Variants in ANKRD30B observed in about 807,000 individuals in gnomAD.
ANKRD30B encodes the protein ankyrin repeat domain-containing protein 30B.
A neutral mutation model predicts 202.2 loss-of-function variants in ANKRD30B; 144 were observed. The ratio of observed to expected loss-of-function variants is 0.71; its 90% confidence interval spans 0.62 to 0.82. The LOEUF is 0.82. Ranked by LOEUF, ANKRD30B falls within the 40% of genes least tolerant of loss-of-function variation. The probability of loss-of-function intolerance (pLI) is 0.00; values close to 1 mark genes in which losing one functional copy is unlikely to be tolerated. For missense variants in ANKRD30B, 1,487 were observed against 1,669.1 expected (o/e 0.89, Z 1.90); for synonymous variants, 508 against 561.3 (o/e 0.91, Z 1.34).
intron 24 of ANKRD30B, among the ~76,000 whole-genome samples, chr18:14,805,633 C>A (rs1969462584): frequency 1.3e-5 from 2 of 150,708 alleles, no homozygotes; most frequent in South Asian, 4.2e-4. Context: ...TGTACTTTCT[C>A]AATGACAGGA....
At chr18:14,787,125 A>T (rs777747232) in intron 15 of ANKRD30B, 25 bp downstream of exon 15, 1 of 1,581,886 alleles carries the variant, frequency 6.3e-7, no homozygotes, top group Non-Finnish European at 8.6e-7. Flanking sequence ...TGATTTTTTT[A>T]AATATTAGTA....
the ANKRD30B span, among the ~76,000 whole-genome samples, chr18:14,907,714 C>T: frequency 2.2e-4 from 34 of 152,204 alleles, no homozygotes; most frequent in African/African-American, 8.2e-4. Context: ...ACACTGCGTC[C>T]TGTCCACTGG....
At chr18:14,756,610 T>G (rs1914408247) in intron 4 of ANKRD30B, among the ~76,000 whole-genome samples, 1 of 152,194 alleles carries the variant, frequency 6.6e-6, no homozygotes, top group Admixed American at 6.5e-5. Flanking sequence ...AAATGCAATA[T>G]TTGCTGGGCA....
At chr18:14,847,196 C>T (rs1158512834) in intron 39 of ANKRD30B, among the ~76,000 whole-genome samples, 3 of 150,184 alleles carry the variant, frequency 2.0e-5, no homozygotes, top group African/African-American at 7.4e-5. Context: ...TAACTCTTTG[C>T]TTTGCTGTCT....
At chr18:14,834,264 G>A (rs570601032) in intron 34 of ANKRD30B, among the ~76,000 whole-genome samples, 1 of 151,958 alleles carries the variant, frequency 6.6e-6, no homozygotes, top group African/African-American at 2.4e-5. Flanking sequence ...TATTTCTACA[G>A]TACTATAAAC....
At chr18:14,748,813 C>A (rs1912921946) in intron 1 of ANKRD30B, among the ~76,000 whole-genome samples, 173 bp downstream of exon 1, 1 of 152,128 alleles carries the variant, frequency 6.6e-6, no homozygotes, top group Non-Finnish European at 1.5e-5. Flanking sequence ...CCGGTCAGGC[C>A]CCCCAGGCCT....
chr18:14,878,353 A>C, the ANKRD30B span, among the ~76,000 whole-genome samples: 1 of 144,282 alleles, frequency 6.9e-6, no homozygotes, highest in African/African-American at 2.5e-5. Flanking sequence ...GAATCTAGAA[A>C]CTTTGTTTTG....
chr18:14,793,991 G>C (rs1381438347), intron 16 of ANKRD30B, among the ~76,000 whole-genome samples: 1 of 152,014 alleles, frequency 6.6e-6, no homozygotes, highest in Non-Finnish European at 1.5e-5. Flanking sequence ...AATTATAGAT[G>C]TCAACAAGCC....
intron 34 of ANKRD30B, among the ~76,000 whole-genome samples, 155 bp downstream of exon 34, chr18:14,831,610 T>A (rs969924177): frequency 1.3e-5 from 2 of 152,146 alleles, no homozygotes; most frequent in African/African-American, 2.4e-5. Context: ...TATGAGTAGT[T>A]GATTTAAACA....
chr18:14,816,064 A>T (rs775667241), intron 30 of ANKRD30B: 1 of 152,226 alleles, frequency 6.6e-6, no homozygotes, highest in Non-Finnish European at 1.5e-5. Flanking sequence ...GTGACAGGAC[A>T]TATTAAAGAA....
intron 4 of ANKRD30B, among the ~76,000 whole-genome samples, chr18:14,755,721 A>G (rs923856129): frequency 2.6e-5 from 4 of 152,188 alleles, no homozygotes; most frequent in Non-Finnish European, 2.9e-5. Flanking sequence ...TGTTCCTACA[A>G]AGGACATGAA....
chr18:14,758,801 C>G (rs1184269966), intron 5 of ANKRD30B, among the ~76,000 whole-genome samples: 1 of 152,136 alleles, frequency 6.6e-6, no homozygotes, highest in Non-Finnish European at 1.5e-5. Flanking sequence ...GACTGTACGA[C>G]AGGTTGAAAT....
At position 14,797,647 on chromosome 18, in the gene ANKRD30B, C is replaced by T; in HGVS notation, c.1928-14C>T. Reference sequence around the variant, plus strand: ...CTTGCATATAATCAATTATAAATGTCCCTTTTCTTTTAGAGTCTCCTGATA... The same window carrying T: ...CTTGCATATAATCAATTATAAATGTTCCTTTTCTTTTAGAGTCTCCTGATA... On this transcript the variant is annotated splice_polypyrimidine_tract_variant and intron_variant, in intron 18 of 43. Transcript: ENST00000690538. The T allele has an allele frequency of 1.2e-6, 2 of 1,604,090 alleles. No individual in the cohort carries two copies. Among genetic ancestry groups the T allele is most frequent in the Non-Finnish European group, 1.7e-6 (2 of 1,171,198 alleles).
the ANKRD30B span, chr18:14,910,167 C>G: frequency 6.6e-6 from 1 of 152,028 alleles, no homozygotes; most frequent in African/African-American, 2.4e-5. Flanking sequence ...GTGGTGAAGT[C>G]TAGGCCTACA....
intron 30 of ANKRD30B, among the ~76,000 whole-genome samples, chr18:14,817,802 G>C (rs775273275): frequency 9.2e-5 from 14 of 152,166 alleles, no homozygotes; most frequent in Non-Finnish European, 1.9e-4. Context: ...AATGAATCGA[G>C]AATGACCTTC....
intron 4 of ANKRD30B, among the ~76,000 whole-genome samples, chr18:14,756,587 T>C (rs73427558): frequency 0.077 from 11,764 of 152,298 alleles, 1,544 homozygotes; most frequent in African/African-American, 0.27. Context: ...TTACACCTTA[T>C]ACACTTTTTA....
intron 22 of ANKRD30B, among the ~76,000 whole-genome samples, chr18:14,800,003 G>A (rs1252508150): frequency 6.6e-6 from 1 of 151,858 alleles, no homozygotes; most frequent in East Asian, 1.9e-4. Flanking sequence ...GACCAAGGTG[G>A]GCAGATTACT....
At chr18:14,937,760 C>T in the ANKRD30B span, among the ~76,000 whole-genome samples, 1,773 of 152,298 alleles carry the variant, frequency 0.012, 108 homozygotes, top group Admixed American at 0.098. Context: ...CTTCGCCTTT[C>T]GTTGCTTCAT....
intron 24 of ANKRD30B, among the ~76,000 whole-genome samples, chr18:14,806,877 C>T (rs1192657507): frequency 6.6e-6 from 1 of 150,698 alleles, no homozygotes; most frequent in Non-Finnish European, 1.5e-5. Flanking sequence ...TTAATGGTAT[C>T]ATTTCCTATA....
Sources: gnomAD v4.1 joint callset for allele counts (sites outside exome capture counted in the v4.1 genomes callset) on GRCh38, gnomAD v4.1.1 for gene constraint, MANE v1.5 for transcripts, NCBI Gene and HGNC (gene_info 2026-07-23, HGNC 2026-07-21) for gene names.